The following NR2E1 variants were observed in gnomAD, a reference collection of about 807,000 sequenced individuals.
NR2E1 encodes the protein nuclear receptor TLX.
NR2E1 carries 5 observed loss-of-function variants against 43.6 expected under a neutral mutation model. The ratio of observed to expected loss-of-function variants is 0.11; its 90% CI spans 0.06 to 0.24. The LOEUF (loss-of-function observed/expected upper bound fraction) is 0.24. Ranked by LOEUF, NR2E1 falls within the 10% of genes least tolerant of loss-of-function variation. NR2E1 has a pLI of 1.00. For missense variants in NR2E1, 287 were observed against 496.7 expected, an observed-to-expected ratio of 0.58 and a Z score of 4.01; for synonymous variants, 191 against 195.5, an observed-to-expected ratio of 0.98 and a Z score of 0.19.
intron 1 of NR2E1, among the ~76,000 whole-genome samples, chr6:108,167,663 T>G (rs1773732015): frequency 6.6e-6 from 1 of 152,126 alleles, no homozygotes; most frequent in African/African-American, 2.4e-5. Flanking sequence ...GTTCCCGCCA[T>G]CCAGTGGCCC....
chr6:108,180,745 A>G lies in NR2E1; in HGVS notation c.740-62A>G. On this transcript the variant is annotated intron_variant, in intron 6 of 8. Transcript: ENST00000368986. This position sits in a 1 kb window ranked among gnomAD's most constrained non-coding sequence, Gnocchi z 5.4. ...ATTGATATGCAGGATTTTGTCAAAA[A>G]TCAATATTAAATCATGAAAATGCCT... is the stretch of plus-strand genomic sequence containing the variant. The G allele has an allele frequency of 6.5e-7, 1 of 1,533,280 alleles. No homozygotes were observed. The highest frequency in any genetic ancestry group is 9.0e-7 in the Non-Finnish European group (1 of 1,107,662). The allele number at this position is 1,533,280 out of a possible 1,614,324, so 95.0% of individuals were successfully genotyped here. A position where few individuals can be genotyped will look rare whatever the true frequency, so the allele number is the denominator to read the frequency against.
At chr6:108,178,001 C>T in intron 4 of NR2E1, 94 bp from the exon 5 acceptor site, 2 of 1,363,504 alleles carry the variant, frequency 1.5e-6, no homozygotes, top group South Asian at 1.2e-5. Context: ...TTTTTTATCC[C>T]CTTCCTTGCT....
chr6:108,177,787 G>A (rs1300126406), intron 4 of NR2E1, among the ~76,000 whole-genome samples: 1 of 152,154 alleles, frequency 6.6e-6, no homozygotes, highest in Non-Finnish European at 1.5e-5. Context: ...TAAATTGGGA[G>A]CCAGGCTTGG....
At chr6:108,181,973 C>T (rs1407424667) in intron 8 of NR2E1, among the ~76,000 whole-genome samples, 1 of 152,186 alleles carries the variant, frequency 6.6e-6, no homozygotes, top group Non-Finnish European at 1.5e-5. Context: ...CACAGTGGCT[C>T]ACGCCTGTAA....
At chr6:108,178,006 C>G in intron 4 of NR2E1, 89 bp from the exon 5 acceptor site, 1 of 1,422,678 alleles carries the variant, frequency 7.0e-7, no homozygotes, top group Non-Finnish European at 9.9e-7. Context: ...TATCCCCTTC[C>G]TTGCTTTAAT....
chr6:108,166,839 G>T lies in NR2E1; in HGVS notation c.25+49G>T. The stretch of plus-strand genomic sequence containing the variant: ...GGGGCCTAGGCGCGCAGCCTGGGGC[G>T]AGCGAGCGGGGAGGCTGGGGGAGGT... On this transcript the variant is annotated intron_variant, in intron 1 of 8. Transcript: ENST00000368986. This position sits in a 1 kb window ranked among gnomAD's most constrained non-coding sequence, Gnocchi z 7.2. The T allele has an allele frequency of 6.4e-7, 1 of 1,561,326 alleles. No individual in the cohort carries two copies. The highest frequency in any genetic ancestry group is 1.7e-4 in the Middle Eastern group (1 of 5,902).
In NR2E1 at chr6:108,180,171, TG is replaced by T; in HGVS notation, c.643-149del. The T allele has an allele frequency of 1.6e-6, 1 of 620,392 alleles. No individual in the cohort carries two copies. The highest frequency in any genetic ancestry group is 2.0e-5 in the South Asian group (1 of 51,006). The allele number at this position is 620,392 out of a possible 1,614,324, so 38.4% of individuals were successfully genotyped here. ...TAGGCACCTTTTCAAAAGGAAAATA[TG>T]GGAAAATAAGGGAAAGCTAGAATAT... is the stretch of plus-strand genomic sequence containing the variant. On this transcript the variant is annotated intron_variant, in intron 5 of 8. Coordinates refer to ENST00000368986, the MANE Select transcript of NR2E1 (RefSeq NM_003269.5). The surrounding 1 kb of genome is among the most constrained non-coding windows in gnomAD (Gnocchi z 5.4).
intron 4 of NR2E1, 150 bp downstream of exon 4, chr6:108,176,888 C>A: frequency 1.4e-6 from 1 of 729,406 alleles, no homozygotes; most frequent in African/African-American, 1.8e-5. Context: ...TCCAGCCCTT[C>A]TGCTCTCCCT....
rs770982822 is a variant in NR2E1 at position 108,168,093 on chromosome 6, C to A, written c.25+1303C>A. On this transcript the variant is annotated intron_variant, in intron 1 of 8. Transcript: ENST00000368986. ...ACCGCGGCCGGAATGCAGAGCGGACCCTGGCCCAGGACTGGGTTTCCCTTT... is the reference window on the plus strand; with the variant it reads ...ACCGCGGCCGGAATGCAGAGCGGACACTGGCCCAGGACTGGGTTTCCCTTT... The A allele has an allele frequency of 1.0e-5, 16 of 1,604,104 alleles. No homozygotes were observed. In the African/African-American group the frequency reaches 1.9e-4, roughly 19 times the overall value.
At chr6:108,178,552 T>G (rs1330501102) in intron 5 of NR2E1, among the ~76,000 whole-genome samples, 2 of 152,214 alleles carry the variant, frequency 1.3e-5, no homozygotes, top group Non-Finnish European at 2.9e-5. Context: ...ATTTTAAAAT[T>G]GTAATGATTT....
rs776856528 is a variant in NR2E1 at position 108,166,725 on chromosome 6, C to T, written c.-41C>T. 2 of 1,519,712 alleles carry T rather than the reference C, an allele frequency of 1.3e-6. No homozygotes were observed. Among genetic ancestry groups the T allele is most frequent in the South Asian group, 1.2e-5 (1 of 81,808 alleles). 94.1% of individuals were successfully genotyped at this position (1,519,712 alleles called of 1,614,324 possible). On this transcript the variant is annotated 5_prime_UTR_variant, in exon 1 of 9. Transcript: ENST00000368986. This position sits in a 1 kb window ranked among gnomAD's most constrained non-coding sequence, Gnocchi z 7.2. Reference sequence around the variant, plus strand: ...GAGGCGGGCGCTGCCGGCCGGGACTCGGGCAGCGCCCACCAACCGCTCCGC... The same window carrying T: ...GAGGCGGGCGCTGCCGGCCGGGACTTGGGCAGCGCCCACCAACCGCTCCGC...
Position 108,166,991 on chromosome 6 carries a change from G to A in NR2E1, c.25+201G>A, listed in dbSNP as rs557578111. Among the ~76,000 whole-genome samples the A allele has an allele frequency of 3.3e-5, 5 of 152,230 alleles. No individual in the cohort carries two copies. In the East Asian group the frequency reaches 9.7e-4, roughly 30 times the overall value. On this transcript the variant is annotated intron_variant, in intron 1 of 8. Coordinates refer to ENST00000368986, the MANE Select transcript of NR2E1 (RefSeq NM_003269.5). This position sits in a 1 kb window ranked among gnomAD's most constrained non-coding sequence, Gnocchi z 7.2. ...AGGGGAGAGCCGTTTCGTTGCCTCT[G>A]GATTGCTTGATCCCCCCTGTCTGGT...
At chr6:108,172,579 C>G (rs1486188898) in intron 2 of NR2E1, among the ~76,000 whole-genome samples, 1 of 152,194 alleles carries the variant, frequency 6.6e-6, no homozygotes, top group Non-Finnish European at 1.5e-5. Flanking sequence ...ACAGAGTCCT[C>G]CATTTCACTT....
chr6:108,185,722 A>G (rs1774066396), intron 8 of NR2E1, among the ~76,000 whole-genome samples: 1 of 152,232 alleles, frequency 6.6e-6, no homozygotes, highest in South Asian at 2.1e-4. Context: ...GTAGTAGTAC[A>G]GTATGCTATA....
At chr6:108,168,248 C>T in intron 1 of NR2E1, 1 of 1,386,762 alleles carries the variant, frequency 7.2e-7, no homozygotes, top group Non-Finnish European at 9.6e-7. Context: ...CTGTTGCATT[C>T]TGAGCCTCCG....
At chr6:108,173,479 C>T (rs1773844611) in intron 2 of NR2E1, among the ~76,000 whole-genome samples, 2 of 152,204 alleles carry the variant, frequency 1.3e-5, no homozygotes, top group South Asian at 4.1e-4. Context: ...GTAATGAGGA[C>T]ATTTAGAAAT....
rs1773774788 is a variant in NR2E1 at position 108,169,803 on chromosome 6, G to GCCGCCGCGCCGCGCGCCTCCCCTGC, written c.26-1649_26-1625dup. 1.3e-5 allele frequency among the ~76,000 whole-genome samples: 2 copies of GCCGCCGCGCCGCGCGCCTCCCCTGC among 152,064 alleles called. No homozygotes were observed. Among genetic ancestry groups the GCCGCCGCGCCGCGCGCCTCCCCTGC allele is most frequent in the African/African-American group, 4.8e-5 (2 of 41,412 alleles). On this transcript the variant is annotated intron_variant, in intron 1 of 8. Transcript: ENST00000368986. This position sits in a 1 kb window ranked among gnomAD's most constrained non-coding sequence, Gnocchi z 6.1. ...GTGGGAGGGGGGCGCCGAGCCGGTG[G>GCCGCCGCGCCGCGCGCCTCCCCTGC]CCGCCGCGCCGCGCGCCTCCCCTGC...
In NR2E1 at chr6:108,180,807, G is replaced by C; in HGVS notation, c.740G>C (p.Gly247Ala). ...TATTTATCCCATATTTTTATTCTAG[G>C]CATGAACGGTGACAACACAGATTCC... is the stretch of plus-strand genomic sequence containing the variant. Reference protein sequence around the residue: ...VDANTLLAVSGMNGDNTDSQK... With the variant: ...VDANTLLAVSAMNGDNTDSQK... The change falls in exon 7 of 9, where the codon GGC (glycine) becomes GCC (alanine). Residue 247 changes from glycine to alanine, a missense_variant and splice_region_variant. Coordinates refer to ENST00000368986, the MANE Select transcript of NR2E1 (RefSeq NM_003269.5). This position sits in a 1 kb window ranked among gnomAD's most constrained non-coding sequence, Gnocchi z 5.4. 1 of 1,613,600 alleles carries C rather than the reference G, an allele frequency of 6.2e-7. No homozygotes were observed. Among genetic ancestry groups the C allele is most frequent in the East Asian group, 2.2e-5 (1 of 44,880 alleles).
chr6:108,173,970 A>G (rs548600211), intron 2 of NR2E1, among the ~76,000 whole-genome samples: 1 of 152,126 alleles, frequency 6.6e-6, no homozygotes, highest in South Asian at 2.1e-4. Context: ...GACTACCTTT[A>G]TTTTTTCAGT....
Sources: allele counts gnomAD v4.1 joint callset (sites outside exome capture counted in the v4.1 genomes callset), GRCh38; gene constraint gnomAD v4.1.1; non-coding constraint Gnocchi (gnomAD v3.1); transcripts MANE v1.5; gene names NCBI Gene and HGNC (gene_info 2026-07-23, HGNC 2026-07-21).